LRP1: variants seen among roughly 807,000 people sequenced by gnomAD.
The protein encoded by LRP1 is prolow-density lipoprotein receptor-related protein 1.
Under a neutral mutation model 541.5 loss-of-function variants are expected in LRP1, and 51 were observed. That is an observed-to-expected ratio of 0.09 (90% CI 0.08 to 0.12). The LOEUF (loss-of-function observed/expected upper bound fraction) is 0.12, where lower values mean the gene tolerates loss of function less well. Ranked by LOEUF, LRP1 falls within the 10% of genes least tolerant of loss-of-function variation. The probability of loss-of-function intolerance (pLI) is 1.00; values close to 1 mark genes in which losing one functional copy is unlikely to be tolerated. For synonymous variants in LRP1, 2,219 were observed against 2,470.8 expected (o/e 0.90, Z 3.02); for missense variants, 3,878 against 6,376.2 (o/e 0.61, Z 13.34).
Position 57,198,675 on chromosome 12 carries a change from G to C in LRP1, c.9676+5G>C. ...ATGGCTCCAATCGCCACGTTGGTCA[G>C]TGTGCCAGTGAGGCTGTCCAGGCAC... On this transcript the variant is annotated splice_donor_5th_base_variant and intron_variant, in intron 60 of 88. Coordinates refer to ENST00000243077, the MANE Select transcript of LRP1 (RefSeq NM_002332.3). The C allele has an allele frequency of 6.2e-7, 1 of 1,603,186 alleles. No homozygotes were observed. The highest frequency in any genetic ancestry group is 8.5e-7 in the Non-Finnish European group (1 of 1,175,288).
Position 57,187,286 on chromosome 12 carries a change from C to G in LRP1, c.6861C>G (p.Gly2287=). The G allele has an allele frequency of 6.2e-7, 1 of 1,613,598 alleles. No individual in the cohort carries two copies. Among genetic ancestry groups the G allele is most frequent in the Non-Finnish European group, 8.5e-7 (1 of 1,179,728 alleles). Residue 2287 remains glycine (G), a synonymous_variant, in exon 42 of 89, where the codon GGC becomes GGG. Transcript: ENST00000243077. The part of the protein sequence containing the change: ...TIVENVGSVE[G]LAYHRGWDTL... ...TCACAGACGTGGGCTCCGTGGAAGG[C>G]CTGGCCTATCACCGTGGCTGGGACA... is the stretch of plus-strand genomic sequence containing the variant.
Position 57,212,715 on chromosome 12 carries a change from G to A in LRP1, c.*160G>A. 1 of 770,536 alleles carries A rather than the reference G, an allele frequency of 1.3e-6. No individual in the cohort carries two copies. The highest frequency in any genetic ancestry group is 2.0e-6 in the Non-Finnish European group (1 of 497,540). The allele number at this position is 770,536 out of a possible 1,614,324, so 47.7% of individuals were successfully genotyped here. A position where few individuals can be genotyped will look rare whatever the true frequency, so the allele number is the denominator to read the frequency against. Reference sequence around the variant, plus strand: ...TATATGTGAGCGAGCAAGCCGGCAAGCGAGCACAGTATTATTTCTCCATCC... The same window carrying A: ...TATATGTGAGCGAGCAAGCCGGCAAACGAGCACAGTATTATTTCTCCATCC... On this transcript the variant is annotated 3_prime_UTR_variant, in exon 89 of 89. Transcript: ENST00000243077. This position sits in a 1 kb window ranked among gnomAD's most constrained non-coding sequence, Gnocchi z 5.0.
Position 57,179,397 on chromosome 12 carries a change from T to C in LRP1, c.4807T>C (p.Tyr1603His). Residue 1603 changes from tyrosine (Y) to histidine (H), a missense_variant, in exon 29 of 89, where the codon TAC (tyrosine) becomes CAC (histidine). Physicochemically the swap from Tyr to His is moderately conservative, Grantham distance 83. This residue lies in a region of LRP1 where 394 missense variants were observed against 635.9 expected (regional missense o/e 0.62). Coordinates refer to ENST00000243077, the MANE Select transcript of LRP1 (RefSeq NM_002332.3). This position sits in a 1 kb window ranked among gnomAD's most constrained non-coding sequence, Gnocchi z 6.8. ...AGGTGTGGACCTGGATGCTCCCTAC[T>C]ACAACTACATCATCTCCTTCACGGT... ...IRGVDLDAPY[Y>H]NYIISFTVPD... The C allele has an allele frequency of 6.2e-7, 1 of 1,614,212 alleles. No homozygotes were observed.
In LRP1 at chr12:57,210,310, C is replaced by T; in HGVS notation, c.12584C>T (p.Pro4195Leu). The stretch of plus-strand genomic sequence containing the variant: ...CCTTGACGGGCCCTTCCTGCAGCTC[C>T]CCGGCCTGGAACCTGTAACCTGCAG... ...VPSPTPPPDA[P>L]RPGTCNLQCF... The change falls in exon 82 of 89, where the codon CCC (proline) becomes CTC (leucine). Residue 4195 changes from proline (P) to leucine (L), a missense_variant. Around this residue, in one of 13 missense-constraint regions of LRP1, gnomAD observed 871 missense variants for 1,212.4 expected, o/e 0.72. Transcript: ENST00000243077. 6.4e-7 allele frequency: 1 copy of T among 1,554,026 alleles called. No individual in the cohort carries two copies. Among genetic ancestry groups the T allele is most frequent in the Non-Finnish European group, 8.7e-7 (1 of 1,146,870 alleles).
intron 67 of LRP1, 68 bp from the exon 68 acceptor site, chr12:57,202,353 A>G (rs1217565717): frequency 1.6e-6 from 2 of 1,249,632 alleles, no homozygotes; most frequent in East Asian, 2.3e-5. Flanking sequence ...CAGCCTGACC[A>G]TGCCTGCTTG....
At chr12:57,176,863 C>CAA (rs375688316) in intron 24 of LRP1, among the ~76,000 whole-genome samples, 178 bp from the exon 25 acceptor site, 6 of 128,680 alleles carry the variant, frequency 4.7e-5, no homozygotes, top group Admixed American at 7.9e-5. Context: ...GACCCTGTCT[C>CAA]AAAAAAAAAA....
At position 57,177,198 on chromosome 12, in the gene LRP1, C is replaced by T. The variant is rs374964279; in HGVS notation, c.4149C>T (p.Ala1383=). The change falls in exon 25 of 89, where the codon GCC becomes GCT. Residue 1383 remains alanine, a synonymous_variant. Coordinates refer to ENST00000243077, the MANE Select transcript of LRP1 (RefSeq NM_002332.3). The surrounding 1 kb of genome is among the most constrained non-coding windows in gnomAD (Gnocchi z 6.8). ...LDGTLRTTLL[A]GDIEHPRAIA... Reference sequence around the variant, plus strand: ...GGACCCTCCGGACCACCCTGCTGGCCGGTGACATTGAGCACCCAAGGGCAA... The same window carrying T: ...GGACCCTCCGGACCACCCTGCTGGCTGGTGACATTGAGCACCCAAGGGCAA... 4.5e-5 allele frequency: 72 copies of T among 1,614,058 alleles called. 1 individual carries two copies. The highest frequency in any genetic ancestry group is 1.6e-4 in the Middle Eastern group (1 of 6,084).
intron 53 of LRP1, 33 bp downstream of exon 53, chr12:57,195,813 G>A: frequency 1.2e-6 from 2 of 1,614,064 alleles, no homozygotes; most frequent in Non-Finnish European, 1.7e-6. Flanking sequence ...AGGAGGCCCT[G>A]CCCTCTGCCG....
At position 57,179,989 on chromosome 12, in the gene LRP1, G is replaced by T; in HGVS notation, c.5141+33G>T. The T allele has an allele frequency of 6.2e-7, 1 of 1,613,922 alleles. No individual in the cohort carries two copies. Among genetic ancestry groups the T allele is most frequent in the East Asian group, 2.2e-5 (1 of 44,888 alleles). On this transcript the variant is annotated intron_variant, in intron 30 of 88. Coordinates refer to ENST00000243077, the MANE Select transcript of LRP1 (RefSeq NM_002332.3). The surrounding 1 kb of genome is among the most constrained non-coding windows in gnomAD (Gnocchi z 6.8). ...TAGGGCCCAGGGCCGGGGAGCATGG[G>T]GTGTGGGGCTGGGAAGAAGAGGACC...
rs372496463 is a variant in LRP1 at position 57,200,525 on chromosome 12, C to T, written c.10098C>T (p.Pro3366=). ...EDDCGDHSDE[P]PDCPEFKCRP... is the part of the protein sequence containing the mutation. Reference sequence around the variant, plus strand: ...ACTGCGGGGACCACTCAGACGAGCCCCCGGACTGCCGTGAGTGCCTGCTGG... The same window carrying T: ...ACTGCGGGGACCACTCAGACGAGCCTCCGGACTGCCGTGAGTGCCTGCTGG... The change falls in exon 63 of 89, where the codon CCC becomes CCT. Residue 3366 remains proline, a synonymous_variant. Coordinates refer to ENST00000243077, the MANE Select transcript of LRP1 (RefSeq NM_002332.3). 24 of 1,613,582 alleles carry T rather than the reference C, an allele frequency of 1.5e-5. No individual in the cohort carries two copies. In the African/African-American group the frequency reaches 2.4e-4, roughly 16 times the overall value.
intron 6 of LRP1, among the ~76,000 whole-genome samples, chr12:57,147,983 C>T (rs1247771727): frequency 6.6e-6 from 1 of 152,138 alleles, no homozygotes; most frequent in African/African-American, 2.4e-5. Flanking sequence ...TGCCGCTGGC[C>T]CAGTGGTTTG....
At chr12:57,172,503 A>G (rs1016181411) in intron 20 of LRP1, among the ~76,000 whole-genome samples, 12 of 151,946 alleles carry the variant, frequency 7.9e-5, no homozygotes, top group African/African-American at 2.2e-4. Flanking sequence ...GCGTAGTCCT[A>G]TCTCGGAGAT....
Position 57,200,870 on chromosome 12 carries a change from G to A in LRP1, c.10225+55G>A. 3.3e-6 allele frequency: 4 copies of A among 1,206,268 alleles called. No individual in the cohort carries two copies. In the South Asian group the frequency reaches 3.6e-5, roughly 11 times the overall value. The allele number at this position is 1,206,268 out of a possible 1,614,324, so 74.7% of individuals were successfully genotyped here. A position where few individuals can be genotyped will look rare whatever the true frequency, so the allele number is the denominator to read the frequency against. ...TTCCCCAGCATCTTCCCTGCCCCAG[G>A]ATTTGGGGCTTTCAAGTGCAGGGAA... is the stretch of plus-strand genomic sequence containing the variant. On this transcript the variant is annotated intron_variant, in intron 64 of 88. Transcript: ENST00000243077.
At chr12:57,176,217 C>A in intron 24 of LRP1, 111 bp downstream of exon 24, 1 of 1,034,156 alleles carries the variant, frequency 9.7e-7, no homozygotes, top group Non-Finnish European at 1.4e-6. Flanking sequence ...TCCCCCATCC[C>A]CCACACTTCT....
At chr12:57,143,489 A>G (rs1422546569) in intron 3 of LRP1, among the ~76,000 whole-genome samples, 190 bp from the exon 4 acceptor site, 1 of 152,234 alleles carries the variant, frequency 6.6e-6, no homozygotes, top group Non-Finnish European at 1.5e-5. Flanking sequence ...GGCTTGTCTT[A>G]TAGCCTCTCT....
intron 20 of LRP1, among the ~76,000 whole-genome samples, chr12:57,172,026 C>A (rs151338767): frequency 1.3e-5 from 2 of 151,976 alleles, no homozygotes; most frequent in East Asian, 3.9e-4. Context: ...CTCCCCTCCC[C>A]CTGCACTCTA....
At position 57,165,844 on chromosome 12, in the gene LRP1, G is replaced by A. The variant is rs776040879; in HGVS notation, c.2570G>A (p.Gly857Asp). ...SYVPPPQCQP[G>D]EFACANSRCI... ...GTGCCTCCACCCCAGTGCCAGCCAG[G>A]CGAGTTTGCCTGTGCCAACAGCCGC... Residue 857 changes from glycine (G) to aspartate (D), a missense_variant, in exon 16 of 89, where the codon GGC becomes GAC. Physicochemically the swap from Gly to Asp is moderately conservative, Grantham distance 94. Transcript: ENST00000243077. This position sits in a 1 kb window ranked among gnomAD's most constrained non-coding sequence, Gnocchi z 4.5. 5 of 1,614,228 alleles carry A rather than the reference G, an allele frequency of 3.1e-6. No homozygotes were observed. The South Asian group carries it at 3.3e-5, about 11-fold the overall frequency.
In LRP1 at chr12:57,189,400, G is replaced by A. The variant is rs369223197; in HGVS notation, c.7032-1405G>A. Among the ~76,000 whole-genome samples the A allele has an allele frequency of 1.5e-3, 227 of 152,164 alleles. No individual in the cohort carries two copies. The highest frequency in any genetic ancestry group is 5.1e-3 in the African/African-American group (210 of 41,520). The stretch of plus-strand genomic sequence containing the variant: ...CTTATGGAGGCTAGAAGGACACGCC[G>A]CCTCCCTCCCAACTTACATCCCGAT... On this transcript the variant is annotated intron_variant, in intron 42 of 88. Coordinates refer to ENST00000243077, the MANE Select transcript of LRP1 (RefSeq NM_002332.3). The surrounding 1 kb of genome is among the most constrained non-coding windows in gnomAD (Gnocchi z 4.4).
chr12:57,212,559 C>T lies in LRP1; in HGVS notation c.*4C>T, dbSNP rs777189582. On this transcript the variant is annotated 3_prime_UTR_variant, in exon 89 of 89. Coordinates refer to ENST00000243077, the MANE Select transcript of LRP1 (RefSeq NM_002332.3). The surrounding 1 kb of genome is among the most constrained non-coding windows in gnomAD (Gnocchi z 5.0). ...GATAGGGGACCCCTTGGCATAGGGCCCTGCCCCGTCGGACTGCCCCCAGAA... is the reference window on the plus strand; with the variant it reads ...GATAGGGGACCCCTTGGCATAGGGCTCTGCCCCGTCGGACTGCCCCCAGAA... 1.3e-6 allele frequency: 2 copies of T among 1,584,804 alleles called. No homozygotes were observed. Among genetic ancestry groups the T allele is most frequent in the Non-Finnish European group, 8.6e-7 (1 of 1,164,510 alleles).
Sources: gnomAD v4.1 joint callset for allele counts (sites outside exome capture counted in the v4.1 genomes callset) on GRCh38, gnomAD v4.1.1 for gene constraint, gnomAD v4.1.1 regional missense constraint, Gnocchi (gnomAD v3.1) non-coding constraint, MANE v1.5 for transcripts, NCBI Gene and HGNC (gene_info 2026-07-23, HGNC 2026-07-21) for gene names.